Variants in CNTN5 observed in about 807,000 individuals in gnomAD.
The protein encoded by CNTN5 is contactin 5.
CNTN5 carries 77 observed loss-of-function variants against 129.1 expected under a neutral mutation model. The observed-to-expected ratio is 0.60, with a 90% CI of 0.50 to 0.72. The LOEUF (loss-of-function observed/expected upper bound fraction) is 0.72. CNTN5 is among the 30% of genes least tolerant of loss of function. CNTN5 has a pLI of 0.00. For missense variants in CNTN5, 1,478 were observed against 1,328.8 expected, an observed-to-expected ratio of 1.11 and a Z score of -1.75; for synonymous variants, 509 against 465.6, an observed-to-expected ratio of 1.09 and a Z score of -1.20.
chr11:99,045,051 G>A (rs1442318210), intron 1 of CNTN5, among the ~76,000 whole-genome samples: 2 of 152,066 alleles, frequency 1.3e-5, no homozygotes, highest in Non-Finnish European at 2.9e-5. Context: ...TGAAATACCT[G>A]GCATATAGAA....
intron 16 of CNTN5, among the ~76,000 whole-genome samples, chr11:100,252,127 T>C (rs767751114): frequency 6.6e-6 from 1 of 152,208 alleles, no homozygotes; most frequent in Non-Finnish European, 1.5e-5. Context: ...GGTGAGATGA[T>C]ACCTCATGGT....
chr11:99,108,161 A>AGTGGAT lies in CNTN5; in HGVS notation c.-210+86892_-210+86897dup, dbSNP rs560020822. Among the ~76,000 whole-genome samples, 12 of 152,274 alleles carry AGTGGAT rather than the reference A, an allele frequency of 7.9e-5. No homozygotes were observed. In the East Asian group the frequency reaches 2.3e-3, roughly 29 times the overall value. On this transcript the variant is annotated intron_variant, in intron 1 of 24. Transcript: ENST00000524871. ...GGAGGATAGCTGCAAAGGAGATTAC[A>AGTGGAT]GTGGATTAGAATTTGTATATAACAA...
At chr11:99,644,728 A>C (rs1951887900) in intron 3 of CNTN5, among the ~76,000 whole-genome samples, 1 of 152,168 alleles carries the variant, frequency 6.6e-6, no homozygotes, top group Admixed American at 6.5e-5. Context: ...AAGCACTACA[A>C]GTTATTGATA....
chr11:99,981,103 T>TATATATATATATACAC (rs1014330113), intron 8 of CNTN5, among the ~76,000 whole-genome samples: 2 of 54,532 alleles, frequency 3.7e-5, no homozygotes, highest in African/African-American at 1.9e-4. Flanking sequence ...TATATATATA[T>TATATATATATATACAC]ACACACACAC....
At chr11:99,627,703 T>G (rs1454162446) in intron 3 of CNTN5, among the ~76,000 whole-genome samples, 2 of 151,934 alleles carry the variant, frequency 1.3e-5, no homozygotes, top group Non-Finnish European at 2.9e-5. Flanking sequence ...AAAATGTAGT[T>G]GGAGGCCAGA....
chr11:100,040,153 G>C (rs928147930), intron 9 of CNTN5, among the ~76,000 whole-genome samples: 14 of 151,046 alleles, frequency 9.3e-5, no homozygotes, highest in Admixed American at 8.7e-4. Flanking sequence ...TTTTGGTGTG[G>C]ATGTCCTTTC....
intron 3 of CNTN5, among the ~76,000 whole-genome samples, chr11:99,783,932 G>A (rs1463485539): frequency 6.6e-6 from 1 of 151,634 alleles, no homozygotes; most frequent in African/African-American, 2.4e-5. Context: ...TAACTAACCT[G>A]CACAATGTGC....
At chr11:99,973,610 C>A (rs1327820678) in intron 8 of CNTN5, among the ~76,000 whole-genome samples, 2 of 152,058 alleles carry the variant, frequency 1.3e-5, no homozygotes, top group African/African-American at 4.8e-5. Context: ...TGATTTCCTT[C>A]CATTTTTTTC....
chr11:99,285,220 A>C (rs550894994), intron 1 of CNTN5, among the ~76,000 whole-genome samples: 1 of 152,244 alleles, frequency 6.6e-6, no homozygotes, highest in Non-Finnish European at 1.5e-5. Context: ...ATAATTTGTT[A>C]TTGCACGTCT....
chr11:99,777,494 G>C (rs954953472), intron 3 of CNTN5, among the ~76,000 whole-genome samples: 3 of 151,720 alleles, frequency 2.0e-5, no homozygotes, highest in Non-Finnish European at 2.9e-5. Context: ...AACATGTTTG[G>C]AATTTAGTCT....
intron 1 of CNTN5, among the ~76,000 whole-genome samples, chr11:99,055,333 CCTGA>C (rs1456281466): frequency 2.0e-5 from 3 of 151,912 alleles, no homozygotes; most frequent in African/African-American, 4.8e-5. Context: ...TACTATTATG[CCTGA>C]CTAATTTAAG....
chr11:99,801,855 C>T (rs1220864284), intron 3 of CNTN5, among the ~76,000 whole-genome samples: 3 of 152,058 alleles, frequency 2.0e-5, no homozygotes, highest in Non-Finnish European at 2.9e-5. Flanking sequence ...TGATTTTCAA[C>T]CTTCTCTTTG....
At chr11:100,071,904 T>G in intron 12 of CNTN5, 70 bp downstream of exon 12, 2 of 1,319,626 alleles carry the variant, frequency 1.5e-6, no homozygotes, top group Non-Finnish European at 2.0e-6. Context: ...ATTTTTACTA[T>G]ACTGAAGGTT....
intron 7 of CNTN5, among the ~76,000 whole-genome samples, chr11:99,920,624 C>T (rs1321700378): frequency 6.6e-6 from 1 of 152,186 alleles, no homozygotes; most frequent in Non-Finnish European, 1.5e-5. Context: ...ACTTTCTCTA[C>T]ACCCTACATA....
chr11:99,754,436 C>T (rs547478678), intron 3 of CNTN5, among the ~76,000 whole-genome samples: 1 of 152,244 alleles, frequency 6.6e-6, no homozygotes, highest in South Asian at 2.1e-4. Flanking sequence ...AAGTTTTAGC[C>T]ATCTCTCTTA....
chr11:100,240,346 A>T (rs1206444927), intron 16 of CNTN5, among the ~76,000 whole-genome samples: 1 of 152,070 alleles, frequency 6.6e-6, no homozygotes, highest in Non-Finnish European at 1.5e-5. Context: ...GTTCACTGTC[A>T]CCGTATGACA....
At chr11:100,298,591 A>G (rs137961471) in intron 19 of CNTN5, among the ~76,000 whole-genome samples, 3 of 151,442 alleles carry the variant, frequency 2.0e-5, no homozygotes, top group African/African-American at 7.2e-5. Flanking sequence ...TGACTGGTCA[A>G]TCACAATTAC....
chr11:100,334,982 TAA>T (rs5794050), intron 21 of CNTN5, among the ~76,000 whole-genome samples: 2,135 of 135,700 alleles, frequency 0.016, 50 homozygotes, highest in African/African-American at 0.047. Context: ...ACTTGATAAG[TAA>T]AAAAAAAAAA....
intron 2 of CNTN5, among the ~76,000 whole-genome samples, chr11:99,328,792 C>T (rs1157653966): frequency 6.8e-6 from 1 of 146,730 alleles, no homozygotes; most frequent in African/African-American, 2.5e-5. Flanking sequence ...ATTGCTTGAA[C>T]CCAGGAGGCG....
Sources: gnomAD v4.1 joint callset for allele counts (sites outside exome capture counted in the v4.1 genomes callset) on GRCh38, gnomAD v4.1.1 for gene constraint, MANE v1.5 for transcripts, NCBI Gene and HGNC (gene_info 2026-07-23, HGNC 2026-07-21) for gene names.